Variants in SYT2 observed in about 807,000 individuals in gnomAD.
SYT2 encodes the protein synaptotagmin 2.
Under a neutral mutation model 39.9 loss-of-function variants are expected in SYT2, and 15 were observed. The ratio of observed to expected loss-of-function variants is 0.38; its 90% CI spans 0.25 to 0.58. The LOEUF (loss-of-function observed/expected upper bound fraction) is 0.58, where lower values mean the gene tolerates loss of function less well. Among genes scored for constraint, SYT2 ranks in the 20% least tolerant of loss-of-function variants. The pLI, the probability that SYT2 is intolerant of heterozygous loss-of-function variation, is 0.70. For synonymous variants in SYT2, 181 were observed against 204.5 expected, an observed-to-expected ratio of 0.89 and a Z score of 0.98; for missense variants, 389 against 530.3, an observed-to-expected ratio of 0.73 and a Z score of 2.62.
Position 202,680,251 on chromosome 1 carries a change from T to C in SYT2, c.-18+30007A>G, listed in dbSNP as rs181445455. Among the ~76,000 whole-genome samples the C allele has an allele frequency of 1.2e-3, 189 of 152,346 alleles. 2 individuals are homozygous for C. The highest frequency in any genetic ancestry group is 0.012 in the Admixed American group (178 of 15,306). ...GGATTCAAATTAATATAGGCCATTA[T>C]GTAATTGGTGCTGAAATGGGGAACT... On this transcript the variant is annotated intron_variant, in intron 1 of 8. Coordinates refer to ENST00000367268, the MANE Select transcript of SYT2 (RefSeq NM_177402.5).
intron 1 of SYT2, among the ~76,000 whole-genome samples, chr1:202,642,807 C>T (rs1441031984): frequency 2.6e-5 from 4 of 152,216 alleles, no homozygotes; most frequent in South Asian, 4.1e-4. Flanking sequence ...GTCCCATGCG[C>T]CCCGCACCCA....
At position 202,684,582 on chromosome 1, in the gene SYT2, C is replaced by T. The variant is rs533519764; in HGVS notation, c.-18+25676G>A. Among the ~76,000 whole-genome samples, 24 of 152,232 alleles carry T rather than the reference C, an allele frequency of 1.6e-4. No individual in the cohort carries two copies. In the South Asian group the frequency reaches 3.9e-3, roughly 25 times the overall value. On this transcript the variant is annotated intron_variant, in intron 1 of 8. Transcript: ENST00000367268. ...CCCATATCTTGGCTATTGTGAATAG[C>T]GCTGCCATGAACATGGGGGTGCAGG...
chr1:202,605,526 T>A, intron 2 of SYT2, 69 bp downstream of exon 2: 1 of 1,451,234 alleles, frequency 6.9e-7, no homozygotes, highest in Middle Eastern at 1.8e-4. Context: ...CCCAGTGGTA[T>A]CCCCACCCTT....
At chr1:202,663,384 G>A (rs946843163) in intron 1 of SYT2, among the ~76,000 whole-genome samples, 4 of 152,126 alleles carry the variant, frequency 2.6e-5, no homozygotes, top group Admixed American at 1.3e-4. Context: ...GTTGCTGGGC[G>A]TCACCATCTG....
At chr1:202,643,217 C>T (rs1691974359) in intron 1 of SYT2, 1 of 151,740 alleles carries the variant, frequency 6.6e-6, no homozygotes. Flanking sequence ...GGTCGAGGCA[C>T]GGCTTCGCTC....
intron 1 of SYT2, among the ~76,000 whole-genome samples, chr1:202,624,938 TTTGTGTA>T (rs1691333582): frequency 6.6e-6 from 1 of 151,326 alleles, no homozygotes; most frequent in African/African-American, 2.4e-5. Flanking sequence ...GTGTGGTGTG[TTTGTGTA>T]GTGTGTGTGG....
intron 1 of SYT2, among the ~76,000 whole-genome samples, chr1:202,686,955 G>A (rs1408578436): frequency 6.6e-6 from 1 of 152,054 alleles, no homozygotes; most frequent in Non-Finnish European, 1.5e-5. Context: ...AGTCTTCTCT[G>A]ATTCCCTTGG....
intron 1 of SYT2, among the ~76,000 whole-genome samples, chr1:202,675,141 A>G (rs1653331335): frequency 1.3e-5 from 2 of 152,144 alleles, no homozygotes; most frequent in South Asian, 2.1e-4. Flanking sequence ...TGACCATATG[A>G]TGTCTGCATA....
intron 3 of SYT2, 112 bp downstream of exon 3, chr1:202,604,343 G>T: frequency 9.2e-7 from 1 of 1,085,992 alleles, no homozygotes; most frequent in Non-Finnish European, 1.4e-6. Flanking sequence ...CAAGTTTTAA[G>T]GAGGGGAGCA....
At chr1:202,613,068 CTTT>C (rs146069389) in intron 1 of SYT2, among the ~76,000 whole-genome samples, 777 of 74,956 alleles carry the variant, frequency 0.01, 18 homozygotes, top group African/African-American at 0.029. Flanking sequence ...TTGGTTCTTC[CTTT>C]TTTTTTTTTT....
intron 1 of SYT2, among the ~76,000 whole-genome samples, chr1:202,674,142 C>G (rs1653266512): frequency 6.6e-6 from 1 of 152,242 alleles, no homozygotes; most frequent in Non-Finnish European, 1.5e-5. Context: ...CACTCTGTCA[C>G]CTGGGCTGGA....
chr1:202,671,839 C>A (rs1032768986), intron 1 of SYT2, among the ~76,000 whole-genome samples: 2 of 152,156 alleles, frequency 1.3e-5, no homozygotes, highest in African/African-American at 4.8e-5. Context: ...TGCCCCCAGG[C>A]ACACTGCAGA....
chr1:202,602,960 C>G, intron 4 of SYT2, 39 bp downstream of exon 4: 1 of 1,565,478 alleles, frequency 6.4e-7, no homozygotes, highest in South Asian at 1.1e-5. Context: ...CCAGGCCTCT[C>G]CCCATTCCCC....
chr1:202,708,275 G>A (rs1654301351), intron 1 of SYT2, among the ~76,000 whole-genome samples: 1 of 151,986 alleles, frequency 6.6e-6, no homozygotes, highest in African/African-American at 2.4e-5. Flanking sequence ...CAAGCTCCTG[G>A]ACTGCAGAAC....
chr1:202,684,281 AC>A (rs1288162667), intron 1 of SYT2, among the ~76,000 whole-genome samples: 2 of 151,476 alleles, frequency 1.3e-5, no homozygotes, highest in Non-Finnish European at 2.9e-5. Flanking sequence ...TGCAAGTTGT[AC>A]CTTTGACCTC....
intron 1 of SYT2, among the ~76,000 whole-genome samples, chr1:202,688,299 T>C (rs1255481844): frequency 1.3e-5 from 2 of 152,196 alleles, no homozygotes; most frequent in Non-Finnish European, 1.5e-5. Context: ...TGAGAGGATA[T>C]GGGGAAAGCT....
At chr1:202,602,678 G>T in intron 4 of SYT2, 133 bp from the exon 5 acceptor site, 2 of 891,008 alleles carry the variant, frequency 2.2e-6, no homozygotes, top group Non-Finnish European at 3.4e-6. Context: ...GGAGGCTGGT[G>T]CTAGAGAGGA....
At chr1:202,670,655 C>T (rs920537674) in intron 1 of SYT2, among the ~76,000 whole-genome samples, 2 of 152,200 alleles carry the variant, frequency 1.3e-5, no homozygotes, top group African/African-American at 2.4e-5. Context: ...CCATTTGTAA[C>T]GGCCAAGTCT....
At chr1:202,598,180 TAGTC>T (rs1448017138) in intron 8 of SYT2, among the ~76,000 whole-genome samples, 9 of 152,114 alleles carry the variant, frequency 5.9e-5, no homozygotes, top group Non-Finnish European at 8.8e-5. Flanking sequence ...AAAAAGGAAA[TAGTC>T]AGTCTAAGGT....
Sources: gnomAD v4.1 joint callset for allele counts (sites outside exome capture counted in the v4.1 genomes callset) on GRCh38, gnomAD v4.1.1 for gene constraint, MANE v1.5 for transcripts, NCBI Gene and HGNC (gene_info 2026-07-23, HGNC 2026-07-21) for gene names.